The following IGSF11 variants were observed in gnomAD, a reference collection of about 807,000 sequenced individuals.
The protein encoded by IGSF11 is CXADR like 1.
Under a neutral mutation model 41.0 loss-of-function variants are expected in IGSF11, and 22 were observed. The observed-to-expected ratio is 0.54, with a 90% CI of 0.38 to 0.77. The LOEUF is 0.77. Among genes scored for constraint, IGSF11 ranks in the 30% least tolerant of loss-of-function variants. IGSF11 has a pLI of 0.00. For synonymous variants in IGSF11, 219 were observed against 201.3 expected (o/e 1.09, Z -0.74); for missense variants, 444 against 530.8 (o/e 0.84, Z 1.61).
At chr3:118,969,317 A>G (rs1933095791) in intron 1 of IGSF11, among the ~76,000 whole-genome samples, 1 of 152,208 alleles carries the variant, frequency 6.6e-6, no homozygotes, top group Non-Finnish European at 1.5e-5. Flanking sequence ...GCAAAAAAAG[A>G]GGAAGGAGAC....
At chr3:118,934,802 C>T (rs1169462146) in intron 1 of IGSF11, among the ~76,000 whole-genome samples, 1 of 152,178 alleles carries the variant, frequency 6.6e-6, no homozygotes, top group Non-Finnish European at 1.5e-5. Context: ...TCATCATCTC[C>T]CAAACCCAAT....
chr3:119,083,767 A>G (rs532433502), intron 1 of IGSF11, among the ~76,000 whole-genome samples: 4 of 152,364 alleles, frequency 2.6e-5, no homozygotes, highest in Admixed American at 2.0e-4. Flanking sequence ...TATGTGCAGT[A>G]CACAGTATTT....
intron 4 of IGSF11, among the ~76,000 whole-genome samples, chr3:118,920,100 G>T (rs1941603495): frequency 7.8e-6 from 1 of 128,618 alleles, no homozygotes; most frequent in African/African-American, 2.9e-5. Flanking sequence ...CCACACTCTG[G>T]GGACTGTGGT....
intron 4 of IGSF11, among the ~76,000 whole-genome samples, chr3:118,914,362 G>C (rs1464831612): frequency 6.6e-6 from 1 of 151,816 alleles, no homozygotes; most frequent in Non-Finnish European, 1.5e-5. Context: ...ATCTCACTAG[G>C]GAGTGCCAGA....
intron 1 of IGSF11, among the ~76,000 whole-genome samples, chr3:118,977,821 C>T (rs1934286520): frequency 6.6e-6 from 1 of 152,144 alleles, no homozygotes; most frequent in African/African-American, 2.4e-5. Flanking sequence ...TCCCACAAAC[C>T]CGAGTCCTAA....
rs1052527499 is a variant in IGSF11, at chr3:118,987,020, T to C, written c.52+47511A>G. Among the ~76,000 whole-genome samples the C allele has an allele frequency of 3.9e-5, 6 of 152,204 alleles. No individual in the cohort carries two copies. In the East Asian group the frequency reaches 1.2e-3, roughly 29 times the overall value. On this transcript the variant is annotated intron_variant, in intron 1 of 6. Transcript: ENST00000393775. ...TAGGCACTAATTAGATTCATTTATC[T>C]AGACATCTGTCCACTAAACCCTTGC...
chr3:119,004,210 G>A (rs1245616604), intron 1 of IGSF11, among the ~76,000 whole-genome samples: 1 of 150,528 alleles, frequency 6.6e-6, no homozygotes, highest in East Asian at 2.0e-4. Context: ...ATGTGTCGAG[G>A]AATGTATCCA....
chr3:118,991,333 C>T (rs1483489380), intron 1 of IGSF11, among the ~76,000 whole-genome samples: 6 of 152,082 alleles, frequency 3.9e-5, no homozygotes, highest in Admixed American at 3.9e-4. Context: ...GTGGTCTGAC[C>T]GTGTCTTATG....
At chr3:119,044,236 G>A (rs1225795184) in intron 1 of IGSF11, among the ~76,000 whole-genome samples, 2 of 152,062 alleles carry the variant, frequency 1.3e-5, no homozygotes, top group African/African-American at 4.8e-5. Flanking sequence ...TTCTGAAAAT[G>A]AAAGACATAC....
At position 118,928,561 on chromosome 3, in the gene IGSF11, G is replaced by A. The variant is rs371739442; in HGVS notation, c.372C>T (p.Asn124=). 3.1e-6 allele frequency: 5 copies of A among 1,613,786 alleles called. No homozygotes were observed. The Admixed American group carries it at 6.7e-5, about 22-fold the overall frequency. Residue 124 remains asparagine, a synonymous_variant, in exon 3 of 7, where the codon AAC becomes AAT. Coordinates refer to ENST00000393775, the MANE Select transcript of IGSF11 (RefSeq NM_001015887.3). ...TGTTCCTGCCCCCTATGTCTGGAAG[G>A]TTGTTGACCAGGCACTGGTAGGTGC... ...DTGTYQCLVN[N]LPDIGGRNIG...
intron 1 of IGSF11, among the ~76,000 whole-genome samples, chr3:118,938,957 A>C (rs144181697): frequency 8.8e-4 from 134 of 152,340 alleles, no homozygotes; most frequent in Non-Finnish European, 1.6e-3. Context: ...ACAGAATTAA[A>C]AGGAGAAAAA....
chr3:118,910,582 C>T lies in IGSF11; in HGVS notation c.581-4864G>A, dbSNP rs1005718114. ...GATTACTGACACAGTTTCTAAAATG[C>T]GTATCTGGTGATCTCTTGTTTATAA... On this transcript the variant is annotated intron_variant, in intron 4 of 6. Coordinates refer to ENST00000393775, the MANE Select transcript of IGSF11 (RefSeq NM_001015887.3). Among the ~76,000 whole-genome samples, 11 of 152,134 alleles carry T rather than the reference C, an allele frequency of 7.2e-5. No individual in the cohort carries two copies. In the South Asian group the frequency reaches 2.3e-3, roughly 32 times the overall value.
At chr3:118,959,914 G>A (rs928030639) in intron 1 of IGSF11, among the ~76,000 whole-genome samples, 23 of 152,020 alleles carry the variant, frequency 1.5e-4, no homozygotes, top group African/African-American at 2.9e-4. Flanking sequence ...GCGTGGTGGC[G>A]GGCGCCTGTA....
At chr3:118,959,198 G>A (rs1945165998) in intron 1 of IGSF11, among the ~76,000 whole-genome samples, 1 of 152,140 alleles carries the variant, frequency 6.6e-6, no homozygotes, top group Non-Finnish European at 1.5e-5. Context: ...TTTAGACAGA[G>A]AGTCTATTAT....
intron 1 of IGSF11, among the ~76,000 whole-genome samples, chr3:119,029,191 C>CAG (rs1940129113): frequency 6.7e-6 from 1 of 149,286 alleles, no homozygotes; most frequent in Non-Finnish European, 1.5e-5. Context: ...CACACACACA[C>CAG]ACACACACAC....
At position 118,902,939 on chromosome 3, in the gene IGSF11, A is replaced by G. The variant is rs759822063; in HGVS notation, c.877T>C (p.Cys293Arg). The change falls in exon 7 of 7, where the codon TGT becomes CGT. Residue 293 changes from cysteine to arginine, a missense_variant. Cys to Arg is a radical substitution (Grantham distance 180). This residue lies in a region of IGSF11 where 223 missense variants were observed against 226.2 expected (regional missense o/e 0.99). Coordinates refer to ENST00000393775, the MANE Select transcript of IGSF11 (RefSeq NM_001015887.3). ...GTGTGAAATGCTTTGGCAGAAGAAC[A>G]CTTGGGTGGAAGATCATCCTCTCTG... ...EIREDDLPPK[C>R]SSAKAFHTEI... The G allele has an allele frequency of 1.9e-6, 3 of 1,613,704 alleles. No homozygotes were observed. In the Admixed American group the frequency reaches 5.0e-5, roughly 27 times the overall value.
At chr3:119,117,383 T>C (rs1293302105) in intron 1 of IGSF11, among the ~76,000 whole-genome samples, 1 of 152,132 alleles carries the variant, frequency 6.6e-6, no homozygotes, top group Non-Finnish European at 1.5e-5. Flanking sequence ...GAGGAGCAAC[T>C]CACGTCTTAC....
At chr3:119,010,714 C>T (rs557545158) in intron 1 of IGSF11, among the ~76,000 whole-genome samples, 1 of 152,330 alleles carries the variant, frequency 6.6e-6, no homozygotes, top group South Asian at 2.1e-4. Context: ...GGACTCTCAA[C>T]TTCCAATGCT....
At chr3:119,013,788 T>C (rs1938393493) in intron 1 of IGSF11, among the ~76,000 whole-genome samples, 1 of 152,228 alleles carries the variant, frequency 6.6e-6, no homozygotes. Context: ...AATTCACTCA[T>C]CTAGTTAATG....
Sources: gnomAD v4.1 joint callset for allele counts (sites outside exome capture counted in the v4.1 genomes callset) on GRCh38, gnomAD v4.1.1 for gene constraint, gnomAD v4.1.1 regional missense constraint, MANE v1.5 for transcripts, NCBI Gene and HGNC (gene_info 2026-07-23, HGNC 2026-07-21) for gene names.